The following CHD1 variants were observed in gnomAD, a reference collection of about 807,000 sequenced individuals.
CHD1 encodes the protein ATP-dependent chromatin remodeler CHD1.
A neutral mutation model predicts 224.2 loss-of-function variants in CHD1; 36 were observed. That is an observed-to-expected ratio of 0.16 (90% CI 0.12 to 0.21). The LOEUF (loss-of-function observed/expected upper bound fraction) is 0.21, where lower values mean the gene tolerates loss of function less well. CHD1 is among the 10% of genes least tolerant of loss of function. CHD1 has a pLI of 1.00. For missense variants in CHD1, 1,378 were observed against 1,994.8 expected (o/e 0.69, Z 5.89); for synonymous variants, 668 against 658.3 (o/e 1.01, Z -0.23).
chr5:98,879,853 T>G (rs527284033), intron 22 of CHD1, 125 bp from the exon 23 acceptor site: 13 of 597,578 alleles, frequency 2.2e-5, no homozygotes, highest in Non-Finnish European at 2.6e-5. Context: ...AAACCAAATA[T>G]AACTTCTAAA....
chr5:98,919,790 CATAAT>C (rs1256851398), intron 2 of CHD1, among the ~76,000 whole-genome samples: 1 of 152,128 alleles, frequency 6.6e-6, no homozygotes, highest in Admixed American at 6.6e-5. Context: ...CGTAGGTATA[CATAAT>C]ATATCTACAT....
chr5:98,921,444 G>T (rs1226249746), intron 2 of CHD1, among the ~76,000 whole-genome samples: 1 of 152,130 alleles, frequency 6.6e-6, no homozygotes, highest in Admixed American at 6.5e-5. Context: ...TTGTTAAAAT[G>T]AAGATTCTGA....
chr5:98,870,341 C>G (rs1749239835), intron 29 of CHD1, among the ~76,000 whole-genome samples: 2 of 152,020 alleles, frequency 1.3e-5, no homozygotes, highest in Non-Finnish European at 2.9e-5. Flanking sequence ...GACGCTGTCC[C>G]TTAAGCATTC....
At chr5:98,897,945 A>G (rs927291320) in intron 10 of CHD1, among the ~76,000 whole-genome samples, 2 of 152,158 alleles carry the variant, frequency 1.3e-5, no homozygotes, top group Non-Finnish European at 2.9e-5. Flanking sequence ...CCTTCCTGAC[A>G]ATCACCATAA....
Position 98,879,713 on chromosome 5 carries a change from T to C in CHD1, c.3076A>G (p.Asn1026Asp). The C allele has an allele frequency of 6.3e-7, 1 of 1,593,464 alleles. No homozygotes were observed. Among genetic ancestry groups the C allele is most frequent in the Non-Finnish European group, 8.5e-7 (1 of 1,174,410 alleles). The change falls in exon 23 of 36, where the codon AAT (asparagine) becomes GAT (aspartate). Residue 1026 changes from asparagine to aspartate, a missense_variant. Transcript: ENST00000614616. ...AACTCAATGTCATCCTCATCCATAT[T>C]TGAGAAGTTGGCAACCTGATAAATT... ...LSQFKVANFS[N>D]MDEDDIELEP...
intron 2 of CHD1, among the ~76,000 whole-genome samples, chr5:98,925,520 A>G (rs1162870169): frequency 1.3e-5 from 2 of 152,232 alleles, no homozygotes; most frequent in East Asian, 1.9e-4. Context: ...TAGGGTAAGC[A>G]AACAGTTTGA....
At position 98,928,849 on chromosome 5, in the gene CHD1, T is replaced by G. The variant is rs1260947356; in HGVS notation, c.-459A>C. The G allele has an allele frequency of 5.2e-5, 8 of 155,248 alleles. No individual in the cohort carries two copies. The East Asian group carries it at 1.5e-3, about 30-fold the overall frequency. 9.6% of individuals were successfully genotyped at this position (155,248 alleles called of 1,614,324 possible). On this transcript the variant is annotated 5_prime_UTR_variant, in exon 1 of 36. Transcript: ENST00000614616. ...CCGTCGCGCGCGCGCTCCCGCTCCC[T>G]CCGCTTATCTGCCCCCGGCAGCCGC... is the stretch of plus-strand genomic sequence containing the variant.
chr5:98,861,806 A>G (rs192419793), intron 32 of CHD1, among the ~76,000 whole-genome samples: 49 of 151,966 alleles, frequency 3.2e-4, no homozygotes, highest in African/African-American at 1.1e-3. Context: ...CCAGCCCACA[A>G]TGACTGTTCT....
chr5:98,915,780 A>G (rs1752692902), intron 2 of CHD1, among the ~76,000 whole-genome samples: 1 of 152,230 alleles, frequency 6.6e-6, no homozygotes, highest in South Asian at 2.1e-4. Context: ...ATGAAATAAA[A>G]TATGTTGAAG....
intron 22 of CHD1, among the ~76,000 whole-genome samples, chr5:98,880,666 G>A (rs1029581108): frequency 6.6e-6 from 1 of 152,244 alleles, no homozygotes; most frequent in Non-Finnish European, 1.5e-5. Flanking sequence ...GTAGCTTATT[G>A]CTTACTTTGA....
chr5:98,858,909 A>C (rs1748249364), intron 34 of CHD1, 55 bp downstream of exon 34: 1 of 1,284,084 alleles, frequency 7.8e-7, no homozygotes, highest in Non-Finnish European at 1.0e-6. Flanking sequence ...TTTAAAACAA[A>C]AATTTAAAAA....
chr5:98,881,827 T>C (rs1313214587), intron 20 of CHD1, 148 bp downstream of exon 20: 1 of 636,326 alleles, frequency 1.6e-6, no homozygotes, highest in Admixed American at 3.2e-5. Flanking sequence ...GAAGTATGTC[T>C]TCTAACTAGA....
chr5:98,909,713 T>C (rs1752269041), intron 2 of CHD1, among the ~76,000 whole-genome samples: 1 of 152,168 alleles, frequency 6.6e-6, no homozygotes, highest in South Asian at 2.1e-4. Flanking sequence ...TATTTACCAG[T>C]TTTCAAAATG....
chr5:98,865,518 T>G (rs762857026), intron 31 of CHD1, among the ~76,000 whole-genome samples: 2 of 152,222 alleles, frequency 1.3e-5, no homozygotes, highest in Non-Finnish European at 2.9e-5. Context: ...ATTTAATCTA[T>G]TTTATAGAAG....
At chr5:98,903,089 AATGTAGTTTT>A in intron 4 of CHD1, 125 bp from the exon 5 acceptor site, 1 of 507,610 alleles carries the variant, frequency 2.0e-6, no homozygotes, top group Non-Finnish European at 3.4e-6. Context: ...GCCTTTTTTC[AATGTAGTTTT>A]ATTTATGTTA....
At chr5:98,902,136 T>C (rs777402501) in intron 5 of CHD1, among the ~76,000 whole-genome samples, 1 of 151,856 alleles carries the variant, frequency 6.6e-6, no homozygotes, top group East Asian at 1.9e-4. Flanking sequence ...TGTATTTTTA[T>C]AATGGAAAAA....
intron 15 of CHD1, among the ~76,000 whole-genome samples, chr5:98,890,389 C>T (rs1389859978): frequency 6.6e-6 from 1 of 151,972 alleles, no homozygotes; most frequent in Non-Finnish European, 1.5e-5. Flanking sequence ...GCTCAATGCC[C>T]TAAGAGGTAA....
intron 1 of CHD1, among the ~76,000 whole-genome samples, chr5:98,926,807 C>T (rs912996039): frequency 1.3e-5 from 2 of 151,632 alleles, no homozygotes; most frequent in Admixed American, 6.6e-5. Flanking sequence ...CTAACTGCAA[C>T]TAACAATGTT....
At chr5:98,908,976 A>G (rs1282396810) in intron 2 of CHD1, among the ~76,000 whole-genome samples, 1 of 152,130 alleles carries the variant, frequency 6.6e-6, no homozygotes, top group Non-Finnish European at 1.5e-5. Flanking sequence ...AGTTTAATAT[A>G]CAATTTCAAA....
Sources: allele counts gnomAD v4.1 joint callset (sites outside exome capture counted in the v4.1 genomes callset), GRCh38; gene constraint gnomAD v4.1.1; transcripts MANE v1.5; gene names NCBI Gene and HGNC (gene_info 2026-07-23, HGNC 2026-07-21).